The following RPA3 variants were observed in gnomAD, a reference collection of about 807,000 sequenced individuals.
RPA3 encodes the protein replication protein A3, also known as replication protein A 14 kDa subunit.
In RPA3, 24 loss-of-function variants were observed where a neutral mutation model predicts 13.7. The ratio of observed to expected loss-of-function variants is 1.75; its 90% CI spans 1.27 to 2.46. The LOEUF is 2.46. RPA3 is among the 30% of genes most tolerant of loss of function. RPA3 has a pLI of 0.00. For synonymous variants in RPA3, 59 were observed against 51.2 expected (o/e 1.15, Z -0.65); for missense variants, 183 against 151.0 (o/e 1.21, Z -1.11).
intron 4 of RPA3, among the ~76,000 whole-genome samples, chr7:7,669,914 A>G (rs527857089): frequency 1.4e-4 from 21 of 152,306 alleles, no homozygotes; most frequent in Admixed American, 8.5e-4. Flanking sequence ...TTTGGAGCCT[A>G]AATTATCCCT....
At chr7:7,643,149 A>C (rs942495108) in intron 4 of RPA3, among the ~76,000 whole-genome samples, 1 of 152,112 alleles carries the variant, frequency 6.6e-6, no homozygotes, top group Non-Finnish European at 1.5e-5. Flanking sequence ...CGCCAGGGAG[A>C]GGCCATTTCC....
intron 4 of RPA3, among the ~76,000 whole-genome samples, chr7:7,649,230 G>A (rs1785167862): frequency 6.6e-6 from 1 of 151,886 alleles, no homozygotes; most frequent in Non-Finnish European, 1.5e-5. Context: ...TAGTTCTAGA[G>A]GCTTGGATGT....
chr7:7,640,368 T>C lies in RPA3; in HGVS notation c.51A>G (p.Leu17=). 6.2e-7 allele frequency: 1 copy of C among 1,614,118 alleles called. No homozygotes were observed. Among genetic ancestry groups the C allele is most frequent in the African/African-American group, 1.3e-5 (1 of 75,040 alleles). The change falls in exon 5 of 8, where the codon CTA becomes CTG. Residue 17 remains leucine (L), a synonymous_variant. Coordinates refer to ENST00000223129, the MANE Select transcript of RPA3 (RefSeq NM_002947.5). ...AGACAGGCTTGTCGATGAATTGAGC[T>C]AGCATGCCGGCGTTGATGCGCGACC... The part of the protein sequence containing the change: ...LPRSRINAGM[L]AQFIDKPVCF...
chr7:7,675,539 T>C (rs1303843248), intron 4 of RPA3, among the ~76,000 whole-genome samples: 1 of 152,214 alleles, frequency 6.6e-6, no homozygotes, highest in Non-Finnish European at 1.5e-5. Flanking sequence ...CAGGAAAGAC[T>C]AGTTTAAGAA....
chr7:7,641,346 C>T (rs1272283155), intron 4 of RPA3, among the ~76,000 whole-genome samples, 171 bp from the exon 5 acceptor site: 1 of 152,138 alleles, frequency 6.6e-6, no homozygotes, highest in African/African-American at 2.4e-5. Context: ...CTAGGGGAGA[C>T]AAGCTTAAAT....
intron 4 of RPA3, among the ~76,000 whole-genome samples, chr7:7,670,885 C>G (rs926375156): frequency 5.3e-5 from 8 of 152,148 alleles, no homozygotes; most frequent in Admixed American, 3.9e-4. Context: ...ATCTTGGGCC[C>G]AAGAATGTTC....
At chr7:7,685,515 G>C (rs1780023862) in intron 4 of RPA3, among the ~76,000 whole-genome samples, 1 of 151,964 alleles carries the variant, frequency 6.6e-6, no homozygotes, top group African/African-American at 2.4e-5. Flanking sequence ...CACCACTTTG[G>C]CCAGGATGGT....
intron 4 of RPA3, among the ~76,000 whole-genome samples, chr7:7,666,127 T>C (rs1779447714): frequency 6.6e-6 from 1 of 152,308 alleles, no homozygotes; most frequent in Non-Finnish European, 1.5e-5. Flanking sequence ...ACCACAAGTG[T>C]ACAAGAGTTC....
Position 7,640,947 on chromosome 7 carries a change from G to C in RPA3, c.-529C>G. ...GCGGTGCTGTGGGTGCTGCGTACCA[G>C]CTGTTCACTGCTGTCTCGCCTTCCC... On this transcript the variant is annotated 5_prime_UTR_variant, in exon 5 of 8. Transcript: ENST00000223129. 6.3e-6 allele frequency: 1 copy of C among 158,118 alleles called. No homozygotes were observed. The highest frequency in any genetic ancestry group is 1.5e-4 in the South Asian group (1 of 6,622). 9.8% of individuals were successfully genotyped at this position (158,118 alleles called of 1,614,324 possible).
intron 4 of RPA3, among the ~76,000 whole-genome samples, chr7:7,662,890 ATATT>A (rs1346306070): frequency 6.6e-6 from 1 of 152,224 alleles, no homozygotes. Flanking sequence ...CAACATGTAA[ATATT>A]TATAGTATGC....
At chr7:7,673,972 A>C (rs1234662320) in intron 4 of RPA3, among the ~76,000 whole-genome samples, 1 of 152,204 alleles carries the variant, frequency 6.6e-6, no homozygotes, top group Non-Finnish European at 1.5e-5. Flanking sequence ...TATTTCTTAC[A>C]ATCAAATACA....
chr7:7,714,974 C>T (rs1048239532), intron 2 of RPA3, among the ~76,000 whole-genome samples: 1 of 150,036 alleles, frequency 6.7e-6, no homozygotes, highest in Non-Finnish European at 1.5e-5. Flanking sequence ...CAAAAAACTA[C>T]AGAGGAATTA....
intron 7 of RPA3, among the ~76,000 whole-genome samples, 188 bp downstream of exon 7, chr7:7,637,676 T>C (rs552684487): frequency 1.8e-4 from 28 of 151,640 alleles, no homozygotes; most frequent in Admixed American, 6.6e-4. Context: ...TAAAACTGTA[T>C]GTTATGTAAT....
At chr7:7,689,940 G>A (rs903641248) in intron 2 of RPA3, among the ~76,000 whole-genome samples, 13 of 152,254 alleles carry the variant, frequency 8.5e-5, no homozygotes, top group Non-Finnish European at 1.3e-4. Flanking sequence ...ATAATAGTTT[G>A]CTACTTATAT....
At position 7,640,567 on chromosome 7, in the gene RPA3, G is replaced by C; in HGVS notation, c.-149C>G. On this transcript the variant is annotated 5_prime_UTR_variant, in exon 5 of 8. Coordinates refer to ENST00000223129, the MANE Select transcript of RPA3 (RefSeq NM_002947.5). Reference sequence around the variant, plus strand: ...AATTAAATGCGCGGAAACCTAAATCGCAATCGCGCTGTCTCTGAAAGGGGT... The same window carrying C: ...AATTAAATGCGCGGAAACCTAAATCCCAATCGCGCTGTCTCTGAAAGGGGT... 2 of 693,418 alleles carry C rather than the reference G, an allele frequency of 2.9e-6. No individual in the cohort carries two copies. The highest frequency in any genetic ancestry group is 5.0e-6 in the Non-Finnish European group (2 of 402,302). The allele number at this position is 693,418 out of a possible 1,614,324, so 43.0% of individuals were successfully genotyped here.
At chr7:7,716,678 G>T (rs1488156242) in intron 1 of RPA3, among the ~76,000 whole-genome samples, 4 of 152,244 alleles carry the variant, frequency 2.6e-5, no homozygotes, top group African/African-American at 9.6e-5. Context: ...CGGCGCGGTG[G>T]CTCACGCCTG....
At chr7:7,686,346 G>C (rs899512816) in intron 3 of RPA3, among the ~76,000 whole-genome samples, 1 of 152,136 alleles carries the variant, frequency 6.6e-6, no homozygotes, top group Non-Finnish European at 1.5e-5. Context: ...TCAAATGTTA[G>C]AATGTTATCC....
rs1000890445 is a variant in RPA3, at chr7:7,717,935, G to T, written c.-1080+580C>A. 2.6e-5 allele frequency among the ~76,000 whole-genome samples: 4 copies of T among 152,150 alleles called. No individual in the cohort carries two copies. The East Asian group carries it at 7.7e-4, about 29-fold the overall frequency. ...CTATTAATAAACTTGATGTTTAATT[G>T]TAATATTAAGAGTCACAGAGTGCTG... On this transcript the variant is annotated intron_variant, in intron 1 of 7. Transcript: ENST00000223129.
At chr7:7,665,395 A>G (rs1779418202) in intron 4 of RPA3, among the ~76,000 whole-genome samples, 1 of 152,210 alleles carries the variant, frequency 6.6e-6, no homozygotes, top group Admixed American at 6.5e-5. Context: ...CAGAAAAGAA[A>G]CATTTTGCTT....
Sources: allele counts gnomAD v4.1 joint callset (sites outside exome capture counted in the v4.1 genomes callset), GRCh38; gene constraint gnomAD v4.1.1; transcripts MANE v1.5; gene names NCBI Gene and HGNC (gene_info 2026-07-23, HGNC 2026-07-21).